The following PCDH15 variants were observed in gnomAD, a reference collection of about 807,000 sequenced individuals.
PCDH15 encodes protocadherin related 15, also known as protocadherin-15.
In PCDH15, 129 loss-of-function variants were observed where a neutral mutation model predicts 178.5. The ratio of observed to expected loss-of-function variants is 0.72; its 90% CI spans 0.63 to 0.84. The LOEUF is 0.84. Among genes scored for constraint, PCDH15 ranks in the 40% least tolerant of loss-of-function variants. PCDH15 has a pLI of 0.00. For synonymous variants in PCDH15, 800 were observed against 732.0 expected (o/e 1.09, Z -1.50); for missense variants, 2,230 against 2,099.9 (o/e 1.06, Z -1.21).
intron 2 of PCDH15, among the ~76,000 whole-genome samples, chr10:54,979,713 A>G (rs1250893079): frequency 6.6e-6 from 1 of 151,868 alleles, no homozygotes; most frequent in Non-Finnish European, 1.5e-5. Flanking sequence ...ATCAACAGAA[A>G]AATGGATAAA....
At chr10:55,016,968 A>T (rs370027207) in intron 2 of PCDH15, among the ~76,000 whole-genome samples, 126 of 151,878 alleles carry the variant, frequency 8.3e-4, no homozygotes, top group African/African-American at 2.9e-3. Flanking sequence ...ACACTCACAC[A>T]CACACAGAGG....
At chr10:54,421,196 T>C (rs1955242644) in intron 3 of PCDH15, among the ~76,000 whole-genome samples, 1 of 151,862 alleles carries the variant, frequency 6.6e-6, no homozygotes, top group South Asian at 2.1e-4. Flanking sequence ...AATTGTCCCA[T>C]ACTATTTTCC....
chr10:54,457,575 A>C (rs1195947987), intron 3 of PCDH15, among the ~76,000 whole-genome samples: 1 of 152,176 alleles, frequency 6.6e-6, no homozygotes, highest in Admixed American at 6.6e-5. Flanking sequence ...AAACTGGTTT[A>C]TGTAAAATTT....
At chr10:55,183,540 T>C (rs1406001455) in intron 1 of PCDH15, among the ~76,000 whole-genome samples, 1 of 151,850 alleles carries the variant, frequency 6.6e-6, no homozygotes, top group Admixed American at 6.6e-5. Context: ...AAGACTAGCC[T>C]GGGAAACACT....
chr10:53,900,785 A>G (rs142386316), intron 26 of PCDH15, among the ~76,000 whole-genome samples: 1 of 152,266 alleles, frequency 6.6e-6, no homozygotes, highest in Non-Finnish European at 1.5e-5. Flanking sequence ...GTCTCCTTTG[A>G]CACTCTGTCC....
intron 2 of PCDH15, among the ~76,000 whole-genome samples, chr10:55,569,014 T>C (rs975315279): frequency 2.0e-5 from 3 of 151,918 alleles, no homozygotes; most frequent in Non-Finnish European, 4.4e-5. Context: ...CAGAAAGCAC[T>C]CCCTAATGCT....
At chr10:54,152,352 AAT>A (rs1182907981) in intron 14 of PCDH15, among the ~76,000 whole-genome samples, 1 of 152,170 alleles carries the variant, frequency 6.6e-6, no homozygotes, top group Non-Finnish European at 1.5e-5. Context: ...GTTTATCAAT[AAT>A]AGACTTCTTC....
chr10:54,105,862 T>TAAA (rs1235102847), intron 15 of PCDH15, among the ~76,000 whole-genome samples: 7 of 152,316 alleles, frequency 4.6e-5, no homozygotes, highest in African/African-American at 1.7e-4. Context: ...GTATTATTCA[T>TAAA]AATAGTCAAA....
At chr10:53,925,475 G>A (rs1194632286) in intron 25 of PCDH15, among the ~76,000 whole-genome samples, 2 of 152,170 alleles carry the variant, frequency 1.3e-5, no homozygotes, top group Non-Finnish European at 2.9e-5. Context: ...AACACTCACC[G>A]CGAGGGTCCG....
At chr10:54,392,088 A>G (rs987815077) in intron 3 of PCDH15, among the ~76,000 whole-genome samples, 3 of 152,152 alleles carry the variant, frequency 2.0e-5, no homozygotes, top group Admixed American at 6.6e-5. Flanking sequence ...AATTTGCTCT[A>G]TAGTACAGGT....
chr10:55,582,618 ATATATATATAT>A lies in PCDH15; in HGVS notation c.-156+44996_-156+45006del, dbSNP rs1211741242. On this transcript the variant is annotated intron_variant, in intron 2 of 5. Transcript: ENST00000613346. Reference sequence around the variant, plus strand: ...TGTGTATATATATATATATATATATATATATATATATTTTTTTTTTTTTGCTATATTTGATG... The same window carrying A: ...TGTGTATATATATATATATATATATATTTTTTTTTTTTGCTATATTTGATG... 1.6e-3 allele frequency among the ~76,000 whole-genome samples: 140 copies of A among 88,140 alleles called. 3 individuals carry two copies. Among genetic ancestry groups the A allele is most frequent in the African/African-American group, 7.9e-3 (139 of 17,602 alleles). 57.8% of individuals were successfully genotyped at this position (88,140 alleles called of 152,430 possible). A position where few individuals can be genotyped will look rare whatever the true frequency, so the allele number is the denominator to read the frequency against.
At chr10:55,371,513 T>C (rs1056464500) in intron 2 of PCDH15, among the ~76,000 whole-genome samples, 4 of 152,098 alleles carry the variant, frequency 2.6e-5, no homozygotes, top group Non-Finnish European at 5.9e-5. Context: ...GATTGGATCA[T>C]GGGGGCCGAA....
rs1235609200 is a variant in PCDH15, at chr10:54,726,520, T to G, written c.-28-62230A>C. 2.1e-5 allele frequency among the ~76,000 whole-genome samples: 3 copies of G among 144,554 alleles called. No homozygotes were observed. In the Admixed American group the frequency reaches 2.1e-4, roughly 10 times the overall value. The allele number at this position is 144,554 out of a possible 152,430, so 94.8% of individuals were successfully genotyped here. A position where few individuals can be genotyped will look rare whatever the true frequency, so the allele number is the denominator to read the frequency against. On this transcript the variant is annotated intron_variant, in intron 1 of 37. Transcript: ENST00000644397. The stretch of plus-strand genomic sequence containing the variant: ...AAGTGGTATGAAACAGGACCGAAAA[T>G]GCTAGAGAAAGAGAATGATGAGAGG...
chr10:54,910,285 C>A (rs1045641867), intron 2 of PCDH15, among the ~76,000 whole-genome samples: 3 of 152,176 alleles, frequency 2.0e-5, no homozygotes, highest in African/African-American at 7.2e-5. Flanking sequence ...ATCTCCCCTG[C>A]ACCAAGTGGG....
chr10:55,112,409 G>T (rs982299032), intron 2 of PCDH15, among the ~76,000 whole-genome samples: 1 of 152,124 alleles, frequency 6.6e-6, no homozygotes, highest in Non-Finnish European at 1.5e-5. Flanking sequence ...TTGGGAAAGC[G>T]AAGCAGGAAA....
intron 18 of PCDH15, among the ~76,000 whole-genome samples, chr10:54,030,607 C>T (rs2135414971): frequency 6.6e-6 from 1 of 152,040 alleles, no homozygotes; most frequent in East Asian, 1.9e-4. Flanking sequence ...TCATTCTAGT[C>T]CCTAGAAATC....
chr10:54,757,278 T>TCTTAAAAATTGGC lies in PCDH15; in HGVS notation c.-29+43646_-29+43647insGCCAATTTTTAAG, dbSNP rs1566146440. On this transcript the variant is annotated intron_variant, in intron 1 of 37. Coordinates refer to ENST00000644397, the MANE Select transcript of PCDH15 (RefSeq NM_001384140.1). ...TTTTGGCTTGCTCAGAATTCTACCTTTTTTTTTTTTTTTTTTTTTTTTGAG... is the reference window on the plus strand; with the variant it reads ...TTTTGGCTTGCTCAGAATTCTACCTTCTTAAAAATTGGCTTTTTTTTTTTTTTTTTTTTTTGAG... Among the ~76,000 whole-genome samples, 98 of 55,796 alleles carry TCTTAAAAATTGGC rather than the reference T, an allele frequency of 1.8e-3. 5 individuals are homozygous for TCTTAAAAATTGGC. Among genetic ancestry groups the TCTTAAAAATTGGC allele is most frequent in the Non-Finnish European group, 2.2e-3 (57 of 26,448 alleles). The allele number at this position is 55,796 out of a possible 152,430, so 36.6% of individuals were successfully genotyped here. A position where few individuals can be genotyped will look rare whatever the true frequency, so the allele number is the denominator to read the frequency against.
chr10:54,284,252 T>G (rs2058894589), intron 8 of PCDH15, among the ~76,000 whole-genome samples: 1 of 152,234 alleles, frequency 6.6e-6, no homozygotes. Flanking sequence ...CGCATGGATG[T>G]CTGTTAATTT....
intron 2 of PCDH15, among the ~76,000 whole-genome samples, chr10:55,361,280 G>GT (rs1420197151): frequency 5.3e-5 from 8 of 151,960 alleles, no homozygotes; most frequent in African/African-American, 1.9e-4. Context: ...TTACAGTGAT[G>GT]TTTTTTATTT....
Sources: allele counts gnomAD v4.1 joint callset (sites outside exome capture counted in the v4.1 genomes callset), GRCh38; gene constraint gnomAD v4.1.1; transcripts MANE v1.5; gene names NCBI Gene and HGNC (gene_info 2026-07-23, HGNC 2026-07-21).